Variants in CNTNAP2 observed in about 807,000 individuals in gnomAD.
CNTNAP2 encodes contactin-associated protein-like 2.
CNTNAP2 carries 98 observed loss-of-function variants against 155.2 expected under a neutral mutation model. The observed-to-expected ratio is 0.63, with a 90% CI of 0.54 to 0.75. The LOEUF is 0.75. CNTNAP2 is among the 30% of genes least tolerant of loss of function. The probability of loss-of-function intolerance (pLI) is 0.00; values close to 1 mark genes in which losing one functional copy is unlikely to be tolerated. For synonymous variants in CNTNAP2, 651 were observed against 631.2 expected, an observed-to-expected ratio of 1.03 and a Z score of -0.47; for missense variants, 1,727 against 1,688.1, an observed-to-expected ratio of 1.02 and a Z score of -0.40.
At chr7:146,251,715 T>C (rs1799759955) in intron 1 of CNTNAP2, among the ~76,000 whole-genome samples, 1 of 152,222 alleles carries the variant, frequency 6.6e-6, no homozygotes, top group Non-Finnish European at 1.5e-5. Context: ...TTTTCTAACT[T>C]AATATTCCAT....
intron 18 of CNTNAP2, among the ~76,000 whole-genome samples, chr7:148,198,674 G>T (rs140252698): frequency 6.6e-6 from 1 of 152,288 alleles, no homozygotes; most frequent in Non-Finnish European, 1.5e-5. Flanking sequence ...AGAAGTGGTC[G>T]CCCTTTCAGA....
chr7:146,217,363 CTCTTT>C (rs1307772351), intron 1 of CNTNAP2, among the ~76,000 whole-genome samples: 1 of 152,156 alleles, frequency 6.6e-6, no homozygotes. Flanking sequence ...GAAATAGTTG[CTCTTT>C]TCTTAACTTT....
At chr7:148,237,760 A>G (rs1334245619) in intron 20 of CNTNAP2, among the ~76,000 whole-genome samples, 1 of 152,240 alleles carries the variant, frequency 6.6e-6, no homozygotes, top group East Asian at 1.9e-4. Flanking sequence ...TAATTCAATT[A>G]TGGACTCCTA....
chr7:146,829,011 T>G (rs188342225), intron 2 of CNTNAP2, among the ~76,000 whole-genome samples: 1 of 152,200 alleles, frequency 6.6e-6, no homozygotes, highest in Non-Finnish European at 1.5e-5. Context: ...ACTGTTTAGC[T>G]TTTGGGTCTG....
At chr7:147,730,806 A>T (rs1236161288) in intron 13 of CNTNAP2, among the ~76,000 whole-genome samples, 1 of 152,134 alleles carries the variant, frequency 6.6e-6, no homozygotes, top group African/African-American at 2.4e-5. Context: ...CAAACAGCCA[A>T]GGTGTGAATG....
intron 1 of CNTNAP2, among the ~76,000 whole-genome samples, chr7:146,470,160 C>A (rs1796775983): frequency 6.6e-6 from 1 of 152,070 alleles, no homozygotes; most frequent in South Asian, 2.1e-4. Flanking sequence ...TTAAACTAAT[C>A]ACTCCTCTGT....
chr7:147,644,024 T>C (rs1241654038), intron 13 of CNTNAP2, among the ~76,000 whole-genome samples: 1 of 152,182 alleles, frequency 6.6e-6, no homozygotes, highest in African/African-American at 2.4e-5. Flanking sequence ...GTATTTATGG[T>C]CATGTCCATT....
At chr7:147,348,970 T>C (rs1293717344) in intron 9 of CNTNAP2, among the ~76,000 whole-genome samples, 2 of 151,908 alleles carry the variant, frequency 1.3e-5, no homozygotes, top group Non-Finnish European at 2.9e-5. Context: ...AAGCACAGGA[T>C]ACTAGAGGCT....
intron 1 of CNTNAP2, among the ~76,000 whole-genome samples, chr7:146,312,544 C>T (rs528718163): frequency 6.6e-6 from 1 of 151,994 alleles, no homozygotes. Flanking sequence ...ATTAACATGC[C>T]CTTCACCTCA....
chr7:146,818,378 T>C (rs1250104538), intron 2 of CNTNAP2, among the ~76,000 whole-genome samples: 1 of 152,200 alleles, frequency 6.6e-6, no homozygotes, highest in East Asian at 1.9e-4. Flanking sequence ...ATCTTACTTT[T>C]GGTTTCCTAA....
chr7:146,875,934 CAAAAAAAAA>C lies in CNTNAP2; in HGVS notation c.402+36049_402+36057del, dbSNP rs56304234. ...CACACACACACACACACATACACAG[CAAAAAAAAA>C]AAAAAAAAAAAAAAAAAACAAAAAA... On this transcript the variant is annotated intron_variant, in intron 3 of 23. Transcript: ENST00000361727. Among the ~76,000 whole-genome samples the C allele has an allele frequency of 4.0e-3, 220 of 55,122 alleles. 1 individual carries two copies. In the South Asian group the frequency reaches 0.042, roughly 11 times the overall value. 36.2% of individuals were successfully genotyped at this position (55,122 alleles called of 152,430 possible).
At chr7:146,375,703 A>AT (rs1440149935) in intron 1 of CNTNAP2, among the ~76,000 whole-genome samples, 4 of 152,262 alleles carry the variant, frequency 2.6e-5, no homozygotes, top group South Asian at 2.1e-4. Flanking sequence ...TGAAATAAAT[A>AT]TTTTTCCCAT....
intron 8 of CNTNAP2, among the ~76,000 whole-genome samples, chr7:147,222,808 AG>A (rs1803433875): frequency 1.8e-5 from 2 of 113,272 alleles, no homozygotes; most frequent in South Asian, 2.8e-4. Context: ...AGTGTTTCTC[AG>A]GGTTTTTTTT....
intron 15 of CNTNAP2, among the ~76,000 whole-genome samples, chr7:148,022,219 A>T (rs1033898642): frequency 6.6e-6 from 1 of 152,096 alleles, no homozygotes. Flanking sequence ...CTGTAATCCT[A>T]GCACTATGGG....
intron 4 of CNTNAP2, among the ~76,000 whole-genome samples, chr7:147,104,873 CATATATATATATATATATATAT>C (rs56674675): frequency 0.026 from 2,612 of 101,448 alleles, 94 homozygotes; most frequent in African/African-American, 0.072. Context: ...CTTCCTCCCT[CATATATATATATATATATATAT>C]ATATATATAT....
intron 13 of CNTNAP2, among the ~76,000 whole-genome samples, chr7:147,771,343 GTGCATGAAAAGA>G (rs1563082824): frequency 6.6e-6 from 1 of 152,162 alleles, no homozygotes; most frequent in East Asian, 1.9e-4. Flanking sequence ...CTGAAGAACT[GTGCATGAAAAGA>G]TGCTACAAAT....
At chr7:147,731,083 C>G (rs1796731104) in intron 13 of CNTNAP2, among the ~76,000 whole-genome samples, 1 of 152,084 alleles carries the variant, frequency 6.6e-6, no homozygotes, top group Non-Finnish European at 1.5e-5. Flanking sequence ...AAGAAGCCTT[C>G]TCTATAACGT....
At chr7:148,285,697 G>A (rs552367523) in intron 21 of CNTNAP2, among the ~76,000 whole-genome samples, 10 of 152,366 alleles carry the variant, frequency 6.6e-5, no homozygotes, top group African/African-American at 2.4e-4. Flanking sequence ...TAGCTAGTAA[G>A]TGGTAGAACC....
chr7:147,241,286 G>T (rs1024353880), intron 8 of CNTNAP2, among the ~76,000 whole-genome samples: 1 of 152,106 alleles, frequency 6.6e-6, no homozygotes, highest in Non-Finnish European at 1.5e-5. Flanking sequence ...CAAAGCAATG[G>T]CATCTCTGGT....
Sources: allele counts gnomAD v4.1 joint callset (sites outside exome capture counted in the v4.1 genomes callset), GRCh38; gene constraint gnomAD v4.1.1; transcripts MANE v1.5; gene names NCBI Gene and HGNC (gene_info 2026-07-23, HGNC 2026-07-21).